The following SDK1 variants were observed in gnomAD, a reference collection of about 807,000 sequenced individuals.
The protein encoded by SDK1 is protein sidekick-1.
A neutral mutation model predicts 245.5 loss-of-function variants in SDK1; 157 were observed. That is an observed-to-expected ratio of 0.64 (90% confidence interval 0.56 to 0.73). The LOEUF (loss-of-function observed/expected upper bound fraction) is 0.73, where lower values mean the gene tolerates loss of function less well. SDK1 is among the 30% of genes least tolerant of loss of function. The pLI, the probability that SDK1 is intolerant of heterozygous loss-of-function variation, is 0.00. For synonymous variants in SDK1, 1,647 were observed against 1,278.5 expected, an observed-to-expected ratio of 1.29 and a Z score of -6.15; for missense variants, 3,583 against 3,002.3, an observed-to-expected ratio of 1.19 and a Z score of -4.52.
chr7:3,485,677 TGGAGG>T (rs1562515893), intron 1 of SDK1, among the ~76,000 whole-genome samples: 52 of 142,060 alleles, frequency 3.7e-4, no homozygotes, highest in Non-Finnish European at 6.6e-4. Context: ...GGATGATCTT[TGGAGG>T]GTTTTTTTTT....
At chr7:3,543,649 A>G (rs1583147011) in intron 1 of SDK1, among the ~76,000 whole-genome samples, 1 of 149,902 alleles carries the variant, frequency 6.7e-6, no homozygotes, top group East Asian at 1.9e-4. Flanking sequence ...TATGTTTCTC[A>G]GCAGGCAGAG....
At chr7:4,066,281 C>G (rs969708902) in intron 19 of SDK1, among the ~76,000 whole-genome samples, 2 of 151,610 alleles carry the variant, frequency 1.3e-5, no homozygotes, top group African/African-American at 4.9e-5. Flanking sequence ...AGGTAGGGCT[C>G]TCAATGGCAG....
intron 5 of SDK1, among the ~76,000 whole-genome samples, chr7:3,935,228 G>A (rs1017601369): frequency 1.3e-5 from 2 of 152,294 alleles, no homozygotes; most frequent in African/African-American, 4.8e-5. Context: ...TGTAGCAGGT[G>A]CACCCCACAC....
chr7:3,851,357 T>C (rs1188912942), intron 5 of SDK1, among the ~76,000 whole-genome samples: 1 of 152,204 alleles, frequency 6.6e-6, no homozygotes, highest in Non-Finnish European at 1.5e-5. Context: ...AATATTTAAT[T>C]TCCTTTTTAT....
At chr7:3,439,569 T>A (rs1780134005) in intron 1 of SDK1, among the ~76,000 whole-genome samples, 1 of 152,256 alleles carries the variant, frequency 6.6e-6, no homozygotes, top group Admixed American at 6.5e-5. Flanking sequence ...GGAATGCCTC[T>A]GTGAGTCACT....
Position 3,916,613 on chromosome 7 carries a change from G to A in SDK1, c.848-34310G>A, listed in dbSNP as rs544168540. 7.2e-5 allele frequency among the ~76,000 whole-genome samples: 11 copies of A among 152,322 alleles called. No individual in the cohort carries two copies. In the East Asian group the frequency reaches 1.5e-3, roughly 21 times the overall value. ...GCCTCAACTAATTACTTAAGAGACAGCTAGGAATTATTTCTGTTTGCCTGT... is the reference window on the plus strand; with the variant it reads ...GCCTCAACTAATTACTTAAGAGACAACTAGGAATTATTTCTGTTTGCCTGT... On this transcript the variant is annotated intron_variant, in intron 5 of 44. Transcript: ENST00000404826.
intron 4 of SDK1, among the ~76,000 whole-genome samples, chr7:3,646,315 A>G (rs971990331): frequency 6.8e-6 from 1 of 146,434 alleles, no homozygotes; most frequent in South Asian, 2.2e-4. Flanking sequence ...TTATAATTAA[A>G]TGATTTTTTT....
intron 1 of SDK1, among the ~76,000 whole-genome samples, chr7:3,485,677 T>C (rs1309785617): frequency 2.1e-5 from 3 of 142,054 alleles, no homozygotes; most frequent in Non-Finnish European, 4.6e-5. Flanking sequence ...GGATGATCTT[T>C]GGAGGGTTTT....
intron 35 of SDK1, among the ~76,000 whole-genome samples, chr7:4,185,874 AGGAGG>A (rs1017466000): frequency 4.6e-5 from 5 of 108,802 alleles, no homozygotes; most frequent in Non-Finnish European, 3.7e-5. Flanking sequence ...GGAGGGAGGG[AGGAGG>A]GGAGGGGAGG....
chr7:4,105,726 A>G lies in SDK1; in HGVS notation c.3325-4937A>G, dbSNP rs181229570. Among the ~76,000 whole-genome samples, 3 of 152,340 alleles carry G rather than the reference A, an allele frequency of 2.0e-5. No individual in the cohort carries two copies. The East Asian group carries it at 5.8e-4, about 29-fold the overall frequency. ...TTCTGGCAGCCTGGCAGGGGCAGTG[A>G]GAGGCTAAGAGGGATGCTGTTCAGA... On this transcript the variant is annotated intron_variant, in intron 22 of 44. Transcript: ENST00000404826.
intron 1 of SDK1, among the ~76,000 whole-genome samples, chr7:3,332,270 G>A (rs1358376925): frequency 2.0e-5 from 3 of 152,072 alleles, no homozygotes; most frequent in East Asian, 1.9e-4. Flanking sequence ...TGTACAGGGC[G>A]TGGCTTACTT....
rs112502031 is a variant in SDK1 at position 3,596,328 on chromosome 7, C to T, written c.299-22752C>T. ...CAATAATTGGTACAAGAGAGTAAGTCTGACAGTGCCAGTGACCATCAGAAC... is the reference window on the plus strand; with the variant it reads ...CAATAATTGGTACAAGAGAGTAAGTTTGACAGTGCCAGTGACCATCAGAAC... On this transcript the variant is annotated intron_variant, in intron 1 of 44. Transcript: ENST00000404826. 3.0e-4 allele frequency among the ~76,000 whole-genome samples: 46 copies of T among 152,270 alleles called. 2 individuals are homozygous for T. Among genetic ancestry groups the T allele is most frequent in the East Asian group, 1.4e-3 (7 of 5,184 alleles).
At chr7:3,583,606 G>A (rs1256696514) in intron 1 of SDK1, among the ~76,000 whole-genome samples, 1 of 152,144 alleles carries the variant, frequency 6.6e-6, no homozygotes, top group African/African-American at 2.4e-5. Context: ...AGTTCCTTGA[G>A]ATACAGAAAT....
intron 5 of SDK1, among the ~76,000 whole-genome samples, chr7:3,845,884 G>A (rs1780265863): frequency 6.6e-6 from 1 of 152,120 alleles, no homozygotes. Context: ...TTGAAACTGT[G>A]GTTTCTAGAA....
intron 13 of SDK1, among the ~76,000 whole-genome samples, chr7:3,977,808 T>C (rs1036750547): frequency 1.3e-5 from 2 of 152,248 alleles, no homozygotes; most frequent in African/African-American, 2.4e-5. Context: ...TGATGTAGTA[T>C]TTGTTGTATA....
At chr7:4,079,939 G>T (rs554497541) in intron 22 of SDK1, among the ~76,000 whole-genome samples, 1 of 152,310 alleles carries the variant, frequency 6.6e-6, no homozygotes, top group South Asian at 2.1e-4. Context: ...GCTTGGTACA[G>T]CTTGTGTGTC....
intron 14 of SDK1, among the ~76,000 whole-genome samples, chr7:3,999,177 G>A (rs1041725380): frequency 2.0e-5 from 3 of 151,864 alleles, no homozygotes; most frequent in African/African-American, 7.3e-5. Flanking sequence ...ATACTTTAAG[G>A]GCAGGCTCAT....
At chr7:3,394,471 GT>G (rs201529239) in intron 1 of SDK1, among the ~76,000 whole-genome samples, 2 of 151,358 alleles carry the variant, frequency 1.3e-5, no homozygotes, top group African/African-American at 4.9e-5. Flanking sequence ...AAGACCTCCA[GT>G]TTTTTTTCAA....
At chr7:3,641,228 C>T (rs1002159898) in intron 3 of SDK1, among the ~76,000 whole-genome samples, 4 of 152,072 alleles carry the variant, frequency 2.6e-5, no homozygotes, top group Non-Finnish European at 5.9e-5. Flanking sequence ...TTTGCCATAT[C>T]TGTTTGTATA....
Sources: gnomAD v4.1 joint callset for allele counts (sites outside exome capture counted in the v4.1 genomes callset) on GRCh38, gnomAD v4.1.1 for gene constraint, MANE v1.5 for transcripts, NCBI Gene and HGNC (gene_info 2026-07-23, HGNC 2026-07-21) for gene names.